ADAMTSL1: variants seen among roughly 807,000 people sequenced by gnomAD.
ADAMTSL1 encodes ADAMTS like 1.
ADAMTSL1 carries 126 observed loss-of-function variants against 201.8 expected under a neutral mutation model. That is an observed-to-expected ratio of 0.62 (90% confidence interval 0.54 to 0.72). The LOEUF (loss-of-function observed/expected upper bound fraction) is 0.72. Among genes scored for constraint, ADAMTSL1 ranks in the 30% least tolerant of loss-of-function variants. ADAMTSL1 has a pLI of 0.00. For synonymous variants in ADAMTSL1, 1,121 were observed against 903.4 expected (o/e 1.24, Z -4.32); for missense variants, 2,679 against 2,277.8 (o/e 1.18, Z -3.59).
At chr9:18,173,021 A>T (rs1321529634) in intron 2 of ADAMTSL1, among the ~76,000 whole-genome samples, 1 of 152,138 alleles carries the variant, frequency 6.6e-6, no homozygotes, top group Non-Finnish European at 1.5e-5. Context: ...TGCTATGCAT[A>T]GTACACTTTA....
intron 19 of ADAMTSL1, among the ~76,000 whole-genome samples, chr9:18,790,999 C>A (rs997931617): frequency 1.3e-5 from 2 of 152,182 alleles, no homozygotes; most frequent in Non-Finnish European, 2.9e-5. Flanking sequence ...GTTTGGAAAG[C>A]AGCCCTATGT....
intron 19 of ADAMTSL1, among the ~76,000 whole-genome samples, chr9:18,787,730 C>G (rs1464585966): frequency 1.3e-5 from 2 of 152,110 alleles, no homozygotes; most frequent in African/African-American, 4.8e-5. Flanking sequence ...GTGAGAGCAG[C>G]CATAGATAAT....
chr9:18,355,872 C>A (rs890395635), intron 2 of ADAMTSL1, among the ~76,000 whole-genome samples: 2 of 152,134 alleles, frequency 1.3e-5, no homozygotes, highest in African/African-American at 4.8e-5. Flanking sequence ...ATTAACCAGG[C>A]ATGGTGGTAG....
chr9:18,730,390 C>T (rs1260371045), intron 15 of ADAMTSL1, among the ~76,000 whole-genome samples: 1 of 152,200 alleles, frequency 6.6e-6, no homozygotes, highest in African/African-American at 2.4e-5. Flanking sequence ...GTAATCTGGC[C>T]GATACAGTTC....
intron 1 of ADAMTSL1, among the ~76,000 whole-genome samples, chr9:18,132,325 T>C (rs1050755130): frequency 4.6e-5 from 7 of 152,178 alleles, no homozygotes; most frequent in Non-Finnish European, 5.9e-5. Flanking sequence ...CCGTCTACCT[T>C]TTGCGTGTGT....
intron 1 of ADAMTSL1, among the ~76,000 whole-genome samples, chr9:18,003,947 T>C (rs1819712633): frequency 6.6e-6 from 1 of 152,034 alleles, no homozygotes; most frequent in Non-Finnish European, 1.5e-5. Context: ...AAGAGTCAAC[T>C]ATTGAAGTTG....
At chr9:18,816,434 A>G (rs1563825343) in intron 20 of ADAMTSL1, among the ~76,000 whole-genome samples, 1 of 151,908 alleles carries the variant, frequency 6.6e-6, no homozygotes, top group African/African-American at 2.4e-5. Context: ...ACGGGATTTC[A>G]CCATGTTGGC....
intron 2 of ADAMTSL1, among the ~76,000 whole-genome samples, chr9:18,169,646 T>C (rs1827801560): frequency 6.6e-6 from 1 of 152,174 alleles, no homozygotes; most frequent in Non-Finnish European, 1.5e-5. Context: ...AAAGTAGTTT[T>C]TTCCAATTCT....
At chr9:18,055,267 A>G (rs1822128073) in intron 1 of ADAMTSL1, among the ~76,000 whole-genome samples, 1 of 152,226 alleles carries the variant, frequency 6.6e-6, no homozygotes, top group Admixed American at 6.5e-5. Flanking sequence ...GTTGTAAAAT[A>G]TAAGACCTTG....
intron 2 of ADAMTSL1, among the ~76,000 whole-genome samples, chr9:18,356,110 G>C (rs952792468): frequency 6.6e-6 from 1 of 152,208 alleles, no homozygotes; most frequent in African/African-American, 2.4e-5. Context: ...GTTTTACTGA[G>C]TGATTAAAAC....
chr9:17,972,853 A>G (rs1256346817), intron 1 of ADAMTSL1, among the ~76,000 whole-genome samples: 189 of 138,752 alleles, frequency 1.4e-3, no homozygotes, highest in East Asian at 2.4e-3. Flanking sequence ...AATGATCACC[A>G]TTCTAACTGG....
intron 1 of ADAMTSL1, among the ~76,000 whole-genome samples, chr9:18,120,995 A>T (rs921711808): frequency 2.0e-5 from 3 of 151,984 alleles, no homozygotes; most frequent in African/African-American, 7.3e-5. Context: ...AGTCATACCA[A>T]AGCTTTTATT....
chr9:18,396,147 C>G (rs1447261549), intron 2 of ADAMTSL1, among the ~76,000 whole-genome samples: 2 of 152,156 alleles, frequency 1.3e-5, no homozygotes, highest in African/African-American at 4.8e-5. Flanking sequence ...CACTCTGGTC[C>G]TTTTCATTAA....
intron 20 of ADAMTSL1, among the ~76,000 whole-genome samples, chr9:18,816,793 T>G (rs1823881686): frequency 6.7e-6 from 1 of 148,460 alleles, no homozygotes; most frequent in South Asian, 2.2e-4. Flanking sequence ...TTTAAAAAAT[T>G]TACAAATAAT....
chr9:17,908,262 C>A (rs80297842), intron 1 of ADAMTSL1, among the ~76,000 whole-genome samples: 3,082 of 152,264 alleles, frequency 0.02, 36 homozygotes, highest in Non-Finnish European at 0.03. Flanking sequence ...TCAGGGCTTC[C>A]CAGCCATGGC....
intron 1 of ADAMTSL1, among the ~76,000 whole-genome samples, chr9:18,496,020 C>G (rs919667416): frequency 1.3e-5 from 2 of 152,124 alleles, no homozygotes; most frequent in African/African-American, 4.8e-5. Flanking sequence ...AAATGACATT[C>G]TTAATAATTA....
intron 3 of ADAMTSL1, among the ~76,000 whole-genome samples, chr9:18,533,760 A>G (rs1819588415): frequency 6.6e-6 from 1 of 152,262 alleles, no homozygotes; most frequent in South Asian, 2.1e-4. Flanking sequence ...CATCTGTAGT[A>G]TAGTAAGAGG....
chr9:18,313,457 T>C (rs954950669), intron 2 of ADAMTSL1, among the ~76,000 whole-genome samples: 8 of 152,166 alleles, frequency 5.3e-5, no homozygotes, highest in African/African-American at 1.9e-4. Flanking sequence ...ATTAGAATCA[T>C]AGAGAGTTTT....
intron 2 of ADAMTSL1, among the ~76,000 whole-genome samples, chr9:18,260,095 C>G (rs533613810): frequency 6.6e-6 from 1 of 152,310 alleles, no homozygotes; most frequent in South Asian, 2.1e-4. Context: ...AATCTTCACA[C>G]TATTATGTAT....
Sources: allele counts gnomAD v4.1 joint callset (sites outside exome capture counted in the v4.1 genomes callset), GRCh38; gene constraint gnomAD v4.1.1; transcripts MANE v1.5; gene names NCBI Gene and HGNC (gene_info 2026-07-23, HGNC 2026-07-21).